The following HACD2 variants were observed in gnomAD, a reference collection of about 807,000 sequenced individuals.
HACD2 encodes very-long-chain (3R)-3-hydroxyacyl-CoA dehydratase 2.
A neutral mutation model predicts 31.0 loss-of-function variants in HACD2; 15 were observed. That is an observed-to-expected ratio of 0.48 (90% CI 0.32 to 0.75). HACD2 has a LOEUF of 0.75. Among genes scored for constraint, HACD2 ranks in the 30% least tolerant of loss-of-function variants. The pLI is 0.03. For synonymous variants in HACD2, 115 were observed against 122.2 expected, an observed-to-expected ratio of 0.94 and a Z score of 0.39; for missense variants, 283 against 313.0, an observed-to-expected ratio of 0.90 and a Z score of 0.72.
chr3:123,583,637 C>T (rs2056989069), intron 1 of HACD2, among the ~76,000 whole-genome samples: 2 of 152,044 alleles, frequency 1.3e-5, no homozygotes, highest in Non-Finnish European at 2.9e-5. Context: ...ATATATGATC[C>T]TCCCACGATA....
At chr3:123,509,731 C>T (rs1227436341) in intron 4 of HACD2, among the ~76,000 whole-genome samples, 2 of 152,076 alleles carry the variant, frequency 1.3e-5, no homozygotes, top group Admixed American at 1.3e-4. Flanking sequence ...GATCTCCTGA[C>T]CTCGTGATCC....
At chr3:123,557,717 T>C (rs531869340) in intron 3 of HACD2, among the ~76,000 whole-genome samples, 8 of 152,300 alleles carry the variant, frequency 5.3e-5, no homozygotes, top group Admixed American at 4.6e-4. Flanking sequence ...CTCTACGTCA[T>C]GTATAATCAA....
At chr3:123,506,864 T>C (rs2055981980) in intron 4 of HACD2, among the ~76,000 whole-genome samples, 1 of 151,838 alleles carries the variant, frequency 6.6e-6, no homozygotes, top group African/African-American at 2.4e-5. Context: ...TCAGGAGGGG[T>C]TTTTTGAGGG....
chr3:123,576,742 C>T (rs2056911729), intron 2 of HACD2, among the ~76,000 whole-genome samples: 1 of 152,102 alleles, frequency 6.6e-6, no homozygotes, highest in African/African-American at 2.4e-5. Flanking sequence ...CAGTCTGAAG[C>T]ACAATACCTC....
At chr3:123,575,788 A>T (rs919652954) in intron 2 of HACD2, among the ~76,000 whole-genome samples, 1 of 152,102 alleles carries the variant, frequency 6.6e-6, no homozygotes, top group Admixed American at 6.5e-5. Flanking sequence ...GTTTTTAACT[A>T]TTACATTTTA....
At chr3:123,568,570 C>T (rs1362388017) in intron 2 of HACD2, among the ~76,000 whole-genome samples, 1 of 152,182 alleles carries the variant, frequency 6.6e-6, no homozygotes, top group Admixed American at 6.5e-5. Flanking sequence ...TTGAGTGAGA[C>T]TGCCATCTCC....
chr3:123,506,085 T>TA (rs1396087683), intron 4 of HACD2, among the ~76,000 whole-genome samples: 1 of 152,262 alleles, frequency 6.6e-6, no homozygotes, highest in African/African-American at 2.4e-5. Context: ...CGCTGGCTAA[T>TA]ACTGACTTCC....
intron 5 of HACD2, among the ~76,000 whole-genome samples, chr3:123,501,531 T>C (rs2055902047): frequency 6.6e-6 from 1 of 152,188 alleles, no homozygotes; most frequent in South Asian, 2.1e-4. Context: ...ATCTCTGAAG[T>C]GGAAGGGAAG....
At chr3:123,535,538 G>A (rs1247678827) in intron 3 of HACD2, among the ~76,000 whole-genome samples, 1 of 152,212 alleles carries the variant, frequency 6.6e-6, no homozygotes, top group Non-Finnish European at 1.5e-5. Context: ...AAGAGATTAT[G>A]GCACAGTCTC....
At chr3:123,565,055 G>C (rs1035560667) in intron 3 of HACD2, among the ~76,000 whole-genome samples, 1 of 152,068 alleles carries the variant, frequency 6.6e-6, no homozygotes, top group Non-Finnish European at 1.5e-5. Context: ...GGGTTTCCTG[G>C]ACCTAGGTCT....
Position 123,567,782 on chromosome 3 carries a change from T to A in HACD2, c.274-2A>T, listed in dbSNP as rs1253995803. 1 of 1,502,252 alleles carries A rather than the reference T, an allele frequency of 6.7e-7. No homozygotes were observed. Among genetic ancestry groups the A allele is most frequent in the East Asian group, 2.4e-5 (1 of 41,164 alleles). The allele number at this position is 1,502,252 out of a possible 1,614,324, so 93.1% of individuals were successfully genotyped here. A position where few individuals can be genotyped will look rare whatever the true frequency, so the allele number is the denominator to read the frequency against. On this transcript the variant is annotated splice_acceptor_variant, in intron 2 of 6. Transcript: ENST00000383657. LOFTEE classifies it high-confidence loss of function. Reference sequence around the variant, plus strand: ...CTTACCTATAGCACAATGTAAAATCTAGAGGAAAAAAGGGGAAAAAAGAGG... The same window carrying A: ...CTTACCTATAGCACAATGTAAAATCAAGAGGAAAAAAGGGGAAAAAAGAGG...
chr3:123,547,951 T>C (rs1468670914), intron 3 of HACD2, among the ~76,000 whole-genome samples: 1 of 152,006 alleles, frequency 6.6e-6, no homozygotes, highest in Non-Finnish European at 1.5e-5. Flanking sequence ...TCACACTTAC[T>C]AAAGCACACA....
At position 123,501,391 on chromosome 3, in the gene HACD2, C is replaced by T. The variant is rs142409841; in HGVS notation, c.504-698G>A. 3.5e-3 allele frequency among the ~76,000 whole-genome samples: 539 copies of T among 152,304 alleles called. 4 individuals are homozygous for T. The highest frequency in any genetic ancestry group is 0.011 in the African/African-American group (478 of 41,570). ...AGAATTCAGAGAGCAGTCACTGTCC[C>T]ATGGAACTGTAAGCCACTATAAGTA... On this transcript the variant is annotated intron_variant, in intron 5 of 6. Transcript: ENST00000383657.
intron 3 of HACD2, among the ~76,000 whole-genome samples, chr3:123,555,864 A>G (rs1222681883): frequency 6.6e-6 from 1 of 152,232 alleles, no homozygotes; most frequent in East Asian, 1.9e-4. Context: ...TAATAAACAT[A>G]TACATCAATA....
intron 4 of HACD2, among the ~76,000 whole-genome samples, chr3:123,509,088 T>C (rs1166106882): frequency 6.6e-6 from 1 of 152,198 alleles, no homozygotes; most frequent in African/African-American, 2.4e-5. Context: ...GAGACATAAT[T>C]CAGTCCATAG....
At chr3:123,569,988 CAAAAAAAAAAAAAAAAAAAAAAAAA>C (rs55844728) in intron 2 of HACD2, among the ~76,000 whole-genome samples, 8 of 38,658 alleles carry the variant, frequency 2.1e-4, no homozygotes, top group Admixed American at 3.9e-4. Context: ...CACTCCATCT[CAAAAAAAAAAAAAAAAAAAAAAAAA>C]AAAAAAAAAA....
intron 3 of HACD2, among the ~76,000 whole-genome samples, chr3:123,535,263 C>T (rs760811360): frequency 6.6e-6 from 1 of 152,120 alleles, no homozygotes; most frequent in Non-Finnish European, 1.5e-5. Flanking sequence ...CTACACCTGT[C>T]GTACAGTCCA....
At chr3:123,557,106 G>C (rs1391109351) in intron 3 of HACD2, among the ~76,000 whole-genome samples, 1 of 152,082 alleles carries the variant, frequency 6.6e-6, no homozygotes, top group Non-Finnish European at 1.5e-5. Flanking sequence ...CCCAGTCCCT[G>C]GGCTGCGCAG....
chr3:123,568,942 T>G (rs865785401), intron 2 of HACD2, among the ~76,000 whole-genome samples: 3 of 152,224 alleles, frequency 2.0e-5, no homozygotes, highest in African/African-American at 4.8e-5. Context: ...AACTTAGGTT[T>G]TATTTCTATT....
Sources: gnomAD v4.1 joint callset for allele counts (sites outside exome capture counted in the v4.1 genomes callset) on GRCh38, gnomAD v4.1.1 for gene constraint, MANE v1.5 for transcripts, NCBI Gene and HGNC (gene_info 2026-07-23, HGNC 2026-07-21) for gene names.